The following JMY variants were observed in gnomAD, a reference collection of about 807,000 sequenced individuals.
The protein encoded by JMY is junction mediating and regulatory protein, p53 cofactor.
JMY carries 46 observed loss-of-function variants against 103.3 expected under a neutral mutation model. The observed-to-expected ratio is 0.45, with a 90% CI of 0.35 to 0.57. The LOEUF is 0.57. Ranked by LOEUF, JMY falls within the 20% of genes least tolerant of loss-of-function variation. JMY has a pLI of 0.00. For missense variants in JMY, 1,238 were observed against 1,255.2 expected, an observed-to-expected ratio of 0.99 and a Z score of 0.21; for synonymous variants, 526 against 489.3, an observed-to-expected ratio of 1.07 and a Z score of -0.99.
chr5:79,270,928 T>C (rs1745765606), intron 1 of JMY, among the ~76,000 whole-genome samples: 2 of 151,534 alleles, frequency 1.3e-5, no homozygotes, highest in Admixed American at 1.3e-4. Context: ...TAGATGACAA[T>C]TGATTATTGA....
chr5:79,268,800 C>T, intron 1 of JMY, among the ~76,000 whole-genome samples: 1 of 152,176 alleles, frequency 6.6e-6, no homozygotes, highest in East Asian at 1.9e-4. Context: ...CATCTTTTCA[C>T]ATGCTTATTT....
At chr5:79,303,252 T>C (rs1319129248) in intron 6 of JMY, among the ~76,000 whole-genome samples, 1 of 152,142 alleles carries the variant, frequency 6.6e-6, no homozygotes, top group Non-Finnish European at 1.5e-5. Flanking sequence ...TATTTTTTTA[T>C]AGAGACAGGG....
intron 1 of JMY, among the ~76,000 whole-genome samples, chr5:79,271,666 G>A (rs981868299): frequency 6.6e-6 from 1 of 152,076 alleles, no homozygotes; most frequent in Non-Finnish European, 1.5e-5. Flanking sequence ...TGTGACTGAG[G>A]AGTGTTAAAA....
At chr5:79,249,759 C>T (rs758902637) in intron 1 of JMY, among the ~76,000 whole-genome samples, 1 of 152,126 alleles carries the variant, frequency 6.6e-6, no homozygotes, top group African/African-American at 2.4e-5. Flanking sequence ...TAAATTTCAT[C>T]GTATTTTCAG....
chr5:79,282,299 G>A, intron 2 of JMY, among the ~76,000 whole-genome samples: 1 of 152,136 alleles, frequency 6.6e-6, no homozygotes, highest in East Asian at 1.9e-4. Flanking sequence ...GTGGCTTAGG[G>A]GAAATTGACA....
intron 7 of JMY, among the ~76,000 whole-genome samples, chr5:79,307,076 T>C (rs1016655321): frequency 6.6e-6 from 1 of 152,258 alleles, no homozygotes; most frequent in Admixed American, 6.5e-5. Flanking sequence ...CATGTCTTCA[T>C]GGCTTGATAG....
At chr5:79,301,896 A>G (rs528906626) in intron 6 of JMY, among the ~76,000 whole-genome samples, 2 of 152,200 alleles carry the variant, frequency 1.3e-5, no homozygotes, top group South Asian at 2.1e-4. Flanking sequence ...AGACCAGCCA[A>G]CATGGTGAAA....
chr5:79,279,215 T>A (rs1324846382), intron 2 of JMY, among the ~76,000 whole-genome samples: 2 of 152,028 alleles, frequency 1.3e-5, no homozygotes, highest in Non-Finnish European at 2.9e-5. Context: ...ATGCCTGTAG[T>A]CCCAGCTACT....
rs970738133 is a variant in JMY, at chr5:79,270,457, A to C, written c.1033-7453A>C. 1.0e-4 allele frequency among the ~76,000 whole-genome samples: 11 copies of C among 109,024 alleles called. 3 individuals carry two copies. The highest frequency in any genetic ancestry group is 4.0e-4 in the African/African-American group (11 of 27,530). The allele number at this position is 109,024 out of a possible 152,430, so 71.5% of individuals were successfully genotyped here. ...AATATTTAAAATATATATTTACATA[A>C]ATATTTAAAATGTATATTTACATAA... On this transcript the variant is annotated intron_variant, in intron 1 of 10. Coordinates refer to ENST00000396137, the MANE Select transcript of JMY (RefSeq NM_152405.5).
chr5:79,326,610 G>GTAGT lies in JMY; in HGVS notation c.*5011_*5014dup, dbSNP rs1322133182. Reference sequence around the variant, plus strand: ...TTTCCAAGTGTGCAAACTATAATATGTAGTTAATGAAAAATGGAAGGCTGC... The same window carrying GTAGT: ...TTTCCAAGTGTGCAAACTATAATATGTAGTTAGTTAATGAAAAATGGAAGGCTGC... On this transcript the variant is annotated 3_prime_UTR_variant, in exon 11 of 11. Coordinates refer to ENST00000396137, the MANE Select transcript of JMY (RefSeq NM_152405.5). 1 of 152,110 alleles carries GTAGT rather than the reference G, an allele frequency of 6.6e-6. No individual in the cohort carries two copies. Among genetic ancestry groups the GTAGT allele is most frequent in the Non-Finnish European group, 1.5e-5 (1 of 67,988 alleles). The allele number at this position is 152,110 out of a possible 1,614,324, so 9.4% of individuals were successfully genotyped here. A position where few individuals can be genotyped will look rare whatever the true frequency, so the allele number is the denominator to read the frequency against.
intron 2 of JMY, among the ~76,000 whole-genome samples, chr5:79,283,061 G>A (rs10474581): frequency 0.65 from 98,721 of 151,270 alleles, 32,657 homozygotes; most frequent in African/African-American, 0.77. Context: ...CAGTGGTGCA[G>A]TCTCACCGCA....
Position 79,322,563 on chromosome 5 carries a change from C to CAAAG in JMY, c.*963_*966dup, listed in dbSNP as rs1161161120. The CAAAG allele has an allele frequency of 6.6e-6, 1 of 152,146 alleles. No homozygotes were observed. The highest frequency in any genetic ancestry group is 6.5e-5 in the Admixed American group (1 of 15,272). The allele number at this position is 152,146 out of a possible 1,614,324, so 9.4% of individuals were successfully genotyped here. A position where few individuals can be genotyped will look rare whatever the true frequency, so the allele number is the denominator to read the frequency against. On this transcript the variant is annotated 3_prime_UTR_variant, in exon 11 of 11. Coordinates refer to ENST00000396137, the MANE Select transcript of JMY (RefSeq NM_152405.5). ...TCCACAGTGAAAAGCATGTGCTCTA[C>CAAAG]AAAGATAGAAAGTAGAGACAAGTCT...
chr5:79,275,397 G>A (rs923217622), intron 1 of JMY, among the ~76,000 whole-genome samples: 5 of 152,006 alleles, frequency 3.3e-5, no homozygotes, highest in Non-Finnish European at 4.4e-5. Context: ...TCCTGACCTC[G>A]TGATCCACCC....
chr5:79,267,354 C>T (rs919862691), intron 1 of JMY, among the ~76,000 whole-genome samples: 5 of 152,164 alleles, frequency 3.3e-5, no homozygotes, highest in African/African-American at 1.2e-4. Flanking sequence ...ATCCCCTGGG[C>T]CCCATCTGTT....
At chr5:79,249,352 A>G (rs1419302475) in intron 1 of JMY, among the ~76,000 whole-genome samples, 1 of 152,200 alleles carries the variant, frequency 6.6e-6, no homozygotes, top group Non-Finnish European at 1.5e-5. Flanking sequence ...AGCAGTATTT[A>G]CACTTGAAAA....
intron 1 of JMY, among the ~76,000 whole-genome samples, chr5:79,246,333 A>G (rs1405794360): frequency 1.3e-5 from 2 of 152,208 alleles, no homozygotes; most frequent in Non-Finnish European, 2.9e-5. Context: ...GGATGTATAT[A>G]ACAAGTTTTC....
chr5:79,248,964 T>A (rs73116158), intron 1 of JMY, among the ~76,000 whole-genome samples: 5,467 of 152,212 alleles, frequency 0.036, 329 homozygotes, highest in African/African-American at 0.12. Flanking sequence ...GGTCTCACTG[T>A]GTCACCTAGG....
In JMY at chr5:79,290,172, AAAG is replaced by A; in HGVS notation, c.1263_1265del (p.Glu421del). On this transcript the variant is annotated inframe_deletion, in exon 3 of 11. Transcript: ENST00000396137. ...ACCTCGAAGAATTGAGAGTCTACAA[AAAG>A]AAGATGCTGATTGGCAGCGGAAAGC... The A allele has an allele frequency of 6.3e-7, 1 of 1,597,232 alleles. No individual in the cohort carries two copies. Among genetic ancestry groups the A allele is most frequent in the Non-Finnish European group, 8.5e-7 (1 of 1,170,454 alleles).
At chr5:79,310,599 T>G (rs1179374485) in intron 7 of JMY, among the ~76,000 whole-genome samples, 1 of 152,202 alleles carries the variant, frequency 6.6e-6, no homozygotes, top group Non-Finnish European at 1.5e-5. Context: ...TTGTTTAAAA[T>G]ACAGATTCTT....
Sources: allele counts gnomAD v4.1 joint callset (sites outside exome capture counted in the v4.1 genomes callset), GRCh38; gene constraint gnomAD v4.1.1; transcripts MANE v1.5; gene names NCBI Gene and HGNC (gene_info 2026-07-23, HGNC 2026-07-21).